ADAT1: variants seen among roughly 807,000 people sequenced by gnomAD.
The protein encoded by ADAT1 is tRNA-specific adenosine deaminase 1.
A neutral mutation model predicts 58.6 loss-of-function variants in ADAT1; 58 were observed. That is an observed-to-expected ratio of 0.99 (90% CI 0.80 to 1.23). The LOEUF (loss-of-function observed/expected upper bound fraction) is 1.23. Among genes scored for constraint, ADAT1 ranks in the 50% most tolerant of loss-of-function variants. The pLI, the probability that ADAT1 is intolerant of heterozygous loss-of-function variation, is 0.00. For missense variants in ADAT1, 741 were observed against 608.6 expected (o/e 1.22, Z -2.29); for synonymous variants, 254 against 220.8 (o/e 1.15, Z -1.33).
At chr16:75,620,492 G>C in intron 2 of ADAT1, 139 bp downstream of exon 2, 3 of 1,389,886 alleles carry the variant, frequency 2.2e-6, no homozygotes, top group Non-Finnish European at 3.0e-6. Flanking sequence ...CAGAGGTACT[G>C]CGTCACCTAG....
chr16:75,618,573 G>C lies in ADAT1; in HGVS notation c.293+13C>G. On this transcript the variant is annotated intron_variant, in intron 4 of 9. Coordinates refer to ENST00000564657, the MANE Select transcript of ADAT1 (RefSeq NM_001324445.2). Reference sequence around the variant, plus strand: ...CAGTCCTGCTGAACCATACTCTGGAGATGTGGCTTTACCTTTGGAAACTCC... The same window carrying C: ...CAGTCCTGCTGAACCATACTCTGGACATGTGGCTTTACCTTTGGAAACTCC... 1.9e-6 allele frequency: 3 copies of C among 1,573,196 alleles called. No individual in the cohort carries two copies. Among genetic ancestry groups the C allele is most frequent in the Non-Finnish European group, 2.6e-6 (3 of 1,155,822 alleles).
In ADAT1 at chr16:75,608,878, GC is replaced by G. The variant is rs755322169; in HGVS notation, c.1153del (p.Ala385LeufsTer62). 3 of 1,614,012 alleles carry G rather than the reference GC, an allele frequency of 1.9e-6. No individual in the cohort carries two copies. The highest frequency in any genetic ancestry group is 2.7e-5 in the African/African-American group (2 of 74,938). ...AGGAACAAGTCGACCTGGGCTATCA[GC>G]CCTTTTTGCCTGCACCGCACTGCGG... ...QSRSAVQAKR[A>X]DSPGRLVPCG... On this transcript the variant is annotated frameshift_variant, in exon 7 of 10. Coordinates refer to ENST00000564657, the MANE Select transcript of ADAT1 (RefSeq NM_001324445.2). LOFTEE classifies it high-confidence loss of function.
intron 9 of ADAT1, 101 bp from the exon 10 acceptor site, chr16:75,600,449 A>G: frequency 6.6e-7 from 1 of 1,517,118 alleles, no homozygotes; most frequent in Non-Finnish European, 8.8e-7. Flanking sequence ...TTGTAATGAG[A>G]CTTAGGTAGA....
At chr16:75,621,224 T>C (rs74348354) in intron 1 of ADAT1, among the ~76,000 whole-genome samples, 1,955 of 152,116 alleles carry the variant, frequency 0.013, 56 homozygotes, top group African/African-American at 0.044. Context: ...TTTATCTTTC[T>C]GGACAGATGT....
chr16:75,605,809 C>T (rs376678519), intron 8 of ADAT1, among the ~76,000 whole-genome samples: 9 of 151,376 alleles, frequency 5.9e-5, no homozygotes, highest in Non-Finnish European at 1.5e-5. Context: ...AGATGGCAGG[C>T]GCCTGTAATC....
At chr16:75,608,822 G>C (rs2081438116) in intron 7 of ADAT1, 21 bp downstream of exon 7, 2 of 1,609,872 alleles carry the variant, frequency 1.2e-6, no homozygotes, top group Non-Finnish European at 1.7e-6. Context: ...CTCCAGGGCA[G>C]GTCTAACCTG....
chr16:75,611,987 G>A (rs2081551141), intron 6 of ADAT1, among the ~76,000 whole-genome samples: 1 of 152,090 alleles, frequency 6.6e-6, no homozygotes, highest in Admixed American at 6.5e-5. Flanking sequence ...GAACCCAGGA[G>A]GCGGTGGCTG....
intron 8 of ADAT1, among the ~76,000 whole-genome samples, chr16:75,604,051 G>A: frequency 6.6e-6 from 1 of 152,118 alleles, no homozygotes; most frequent in South Asian, 2.1e-4. Flanking sequence ...GTGGCTGCTG[G>A]CACTCAGGAA....
chr16:75,607,147 C>T (rs577936359), intron 8 of ADAT1, among the ~76,000 whole-genome samples: 79 of 152,010 alleles, frequency 5.2e-4, no homozygotes, highest in Non-Finnish European at 8.4e-4. Flanking sequence ...AGATAAATGG[C>T]TAATAAGTAC....
At chr16:75,603,492 G>A (rs547837931) in intron 8 of ADAT1, among the ~76,000 whole-genome samples, 119 of 152,302 alleles carry the variant, frequency 7.8e-4, no homozygotes, top group African/African-American at 2.7e-3. Flanking sequence ...CAAGGGTGCT[G>A]GCCCCTATGG....
chr16:75,616,133 C>T (rs1027079507), intron 5 of ADAT1, among the ~76,000 whole-genome samples: 2 of 151,924 alleles, frequency 1.3e-5, no homozygotes, highest in East Asian at 1.9e-4. Flanking sequence ...CTCAGCCTCC[C>T]GAGTAGCTGG....
rs1198798337 is a variant in ADAT1 at position 75,600,035 on chromosome 16, A to G, written c.*181T>C. 1.6e-5 allele frequency: 23 copies of G among 1,432,134 alleles called. No homozygotes were observed. The allele number at this position is 1,432,134 out of a possible 1,614,324, so 88.7% of individuals were successfully genotyped here. On this transcript the variant is annotated 3_prime_UTR_variant, in exon 10 of 10. Coordinates refer to ENST00000564657, the MANE Select transcript of ADAT1 (RefSeq NM_001324445.2). ...TTAGTGAGATGCCATTTTAGCAGAGAGCTACTTCAATCAAGTATAGCTTGC... is the reference window on the plus strand; with the variant it reads ...TTAGTGAGATGCCATTTTAGCAGAGGGCTACTTCAATCAAGTATAGCTTGC...
chr16:75,603,823 T>A (rs1326844432), intron 8 of ADAT1, among the ~76,000 whole-genome samples: 1 of 152,180 alleles, frequency 6.6e-6, no homozygotes, highest in African/African-American at 2.4e-5. Flanking sequence ...ATACCAACAA[T>A]GTGCAGTCTC....
chr16:75,620,742 G>A lies in ADAT1; in HGVS notation c.58C>T (p.Pro20Ser). Reference protein sequence around the residue: ...LCYEHYGIRLPKKGKPEPNHE... With the variant: ...LCYEHYGIRLSKKGKPEPNHE... ...TTTGGCTCAGGCTTCCCCTTCTTGG[G>A]CAGCCTGATCCCATAGTGTTCATAG... The change falls in exon 2 of 10, where the codon CCC becomes TCC. Residue 20 changes from proline (P) to serine (S), a missense_variant. Pro to Ser is a moderately conservative substitution (Grantham distance 74, BLOSUM62 -1). Transcript: ENST00000564657. 6.2e-7 allele frequency: 1 copy of A among 1,614,118 alleles called. No homozygotes were observed. The highest frequency in any genetic ancestry group is 2.2e-5 in the East Asian group (1 of 44,874).
chr16:75,602,009 C>G (rs149104539), intron 9 of ADAT1: 82 of 152,180 alleles, frequency 5.4e-4, no homozygotes, highest in African/African-American at 1.9e-3. Flanking sequence ...CATGGTAGAT[C>G]TCGCTGATCA....
At chr16:75,618,232 C>T (rs141305042) in intron 4 of ADAT1, among the ~76,000 whole-genome samples, 12 of 151,682 alleles carry the variant, frequency 7.9e-5, no homozygotes, top group African/African-American at 2.4e-4. Flanking sequence ...CTGGGTGAGG[C>T]GCGGTGGCTC....
In ADAT1 at chr16:75,600,445, TGA is replaced by T. The variant is rs889505483; in HGVS notation, c.1377-99_1377-98del. On this transcript the variant is annotated intron_variant, in intron 9 of 9. Coordinates refer to ENST00000564657, the MANE Select transcript of ADAT1 (RefSeq NM_001324445.2). The stretch of plus-strand genomic sequence containing the variant: ...AGCAAGCAACTGGACAGACTTGTAA[TGA>T]GACTTAGGTAGAGAAGGAGTTCAGT... 9.5e-5 allele frequency: 146 copies of T among 1,544,054 alleles called. No individual in the cohort carries two copies. In the African/African-American group the frequency reaches 1.8e-3, roughly 19 times the overall value.
rs1433982889 is a variant in ADAT1 at position 75,620,749 on chromosome 16, G to A, written c.51C>T (p.Ile17=). ...CAGGCTTCCCCTTCTTGGGCAGCCT[G>A]ATCCCATAGTGTTCATAGCATAGCT... ...IAQLCYEHYG[I]RLPKKGKPEP... is the part of the protein sequence containing the mutation. The change falls in exon 2 of 10, where the codon ATC becomes ATT. Residue 17 remains isoleucine (I), a synonymous_variant. Coordinates refer to ENST00000564657, the MANE Select transcript of ADAT1 (RefSeq NM_001324445.2). The A allele has an allele frequency of 1.2e-6, 2 of 1,614,148 alleles. No homozygotes were observed. The highest frequency in any genetic ancestry group is 2.2e-5 in the East Asian group (1 of 44,878).
At position 75,612,372 on chromosome 16, in the gene ADAT1, C is replaced by A; in HGVS notation, c.914G>T (p.Arg305Leu). 1 of 1,614,248 alleles carries A rather than the reference C, an allele frequency of 6.2e-7. No homozygotes were observed. The highest frequency in any genetic ancestry group is 1.1e-5 in the South Asian group (1 of 91,084). The change falls in exon 6 of 10, where the codon CGA (arginine) becomes CTA (leucine). Residue 305 changes from arginine (R) to leucine (L), a missense_variant. Physicochemically the swap from Arg to Leu is moderately radical, Grantham distance 102. Transcript: ENST00000564657. Reference sequence around the variant, plus strand: ...CCCTTGGCATCCGAGGACGTTCCATCGGGCCATCTTGTCACTACAGGACAT... The same window carrying A: ...CCCTTGGCATCCGAGGACGTTCCATAGGGCCATCTTGTCACTACAGGACAT... ...RSMSCSDKMA[R>L]WNVLGCQGAL...
Sources: allele counts gnomAD v4.1 joint callset (sites outside exome capture counted in the v4.1 genomes callset), GRCh38; gene constraint gnomAD v4.1.1; transcripts MANE v1.5; gene names NCBI Gene and HGNC (gene_info 2026-07-23, HGNC 2026-07-21).